Variants in EEA1 observed in about 807,000 individuals in gnomAD.
The protein encoded by EEA1 is early endosome antigen 1, 162kD.
In EEA1, 111 loss-of-function variants were observed where a neutral mutation model predicts 209.2. The observed-to-expected ratio is 0.53, with a 90% CI of 0.45 to 0.62. The LOEUF is 0.62. EEA1 is among the 20% of genes least tolerant of loss of function. The pLI is 0.00. For synonymous variants in EEA1, 536 were observed against 540.6 expected (o/e 0.99, Z 0.12); for missense variants, 1,343 against 1,530.8 (o/e 0.88, Z 2.05).
chr12:92,851,333 C>A, intron 8 of EEA1, 67 bp from the exon 9 acceptor site: 4 of 1,426,688 alleles, frequency 2.8e-6, no homozygotes, highest in Non-Finnish European at 3.8e-6. Context: ...TTTTTAGAAT[C>A]ATTTCACTAC....
At chr12:92,843,859 A>T in intron 9 of EEA1, among the ~76,000 whole-genome samples, 1 of 152,160 alleles carries the variant, frequency 6.6e-6, no homozygotes, top group East Asian at 1.9e-4. Context: ...TCTTCAAGGG[A>T]GAAATCTCAG....
At chr12:92,910,168 T>TTTA (rs1880525804) in intron 1 of EEA1, among the ~76,000 whole-genome samples, 1 of 142,994 alleles carries the variant, frequency 7.0e-6, no homozygotes, top group African/African-American at 2.7e-5. Flanking sequence ...AATTAAATTT[T>TTTA]AATTTTAAAA....
chr12:92,807,421 A>T (rs1440451268), intron 18 of EEA1, among the ~76,000 whole-genome samples: 1 of 152,180 alleles, frequency 6.6e-6, no homozygotes, highest in East Asian at 1.9e-4. Flanking sequence ...TTACATTCAC[A>T]ATGTTACTGG....
chr12:92,811,432 C>A lies in EEA1; in HGVS notation c.2046G>T (p.Glu682Asp). 1 of 1,552,972 alleles carries A rather than the reference C, an allele frequency of 6.4e-7. No homozygotes were observed. Among genetic ancestry groups the A allele is most frequent in the African/African-American group, 1.4e-5 (1 of 71,834 alleles). ...AQNALQDKQQ[E>D]LNKITTQLDQ... ...CCAACTGAGTAGTAATCTTATTTAACTCCTTTAGAAAAGTACAATTGAAGA... is the reference window on the plus strand; with the variant it reads ...CCAACTGAGTAGTAATCTTATTTAAATCCTTTAGAAAAGTACAATTGAAGA... Residue 682 changes from glutamate to aspartate, a missense_variant and splice_region_variant, in exon 17 of 29, where the codon GAG (glutamate) becomes GAT (aspartate). By Grantham distance (45) the Glu-to-Asp change is conservative (BLOSUM62 2). This residue lies in a region of EEA1 where 1,307 missense variants were observed against 1,465.5 expected (regional missense o/e 0.89). Coordinates refer to ENST00000322349, the MANE Select transcript of EEA1 (RefSeq NM_003566.4).
At chr12:92,823,448 C>T (rs758351767) in intron 13 of EEA1, among the ~76,000 whole-genome samples, 10 of 152,206 alleles carry the variant, frequency 6.6e-5, no homozygotes, top group Non-Finnish European at 1.2e-4. Context: ...CTCACTACCA[C>T]CATCTTTGCA....
intron 1 of EEA1, among the ~76,000 whole-genome samples, chr12:92,898,406 G>A (rs1473215810): frequency 6.6e-6 from 1 of 152,172 alleles, no homozygotes; most frequent in Non-Finnish European, 1.5e-5. Context: ...GCTCACGCCT[G>A]TAATCTCAGC....
rs547784020 is a variant in EEA1, at chr12:92,884,483, G to A, written c.117+7146C>T. ...CAGTGGGGATGGCTATAATGGATTT[G>A]GTAATGATGGAAGCAATTTTGGAGG... is the stretch of plus-strand genomic sequence containing the variant. On this transcript the variant is annotated intron_variant, in intron 2 of 28. Coordinates refer to ENST00000322349, the MANE Select transcript of EEA1 (RefSeq NM_003566.4). 24 of 1,485,794 alleles carry A rather than the reference G, an allele frequency of 1.6e-5. No individual in the cohort carries two copies. The African/African-American group carries it at 3.2e-4, about 20-fold the overall frequency. 92.0% of individuals were successfully genotyped at this position (1,485,794 alleles called of 1,614,324 possible). A position where few individuals can be genotyped will look rare whatever the true frequency, so the allele number is the denominator to read the frequency against.
intron 2 of EEA1, among the ~76,000 whole-genome samples, chr12:92,869,872 C>G (rs1878562502): frequency 6.7e-6 from 1 of 148,520 alleles, no homozygotes; most frequent in African/African-American, 2.5e-5. Context: ...AGTTGACCCA[C>G]AAGGTCCAGA....
rs1435469019 is a variant in EEA1 at position 92,773,361 on chromosome 12, T to A, written c.*2650A>T. 1 of 152,204 alleles carries A rather than the reference T, an allele frequency of 6.6e-6. No homozygotes were observed. The highest frequency in any genetic ancestry group is 1.5e-5 in the Non-Finnish European group (1 of 67,718). 9.4% of individuals were successfully genotyped at this position (152,204 alleles called of 1,614,324 possible). On this transcript the variant is annotated 3_prime_UTR_variant, in exon 29 of 29. Transcript: ENST00000322349. ...TGGCAGTTACTATTTAACATTACTGTCAGGAAACTATTAAAGTAGATAATT... is the reference window on the plus strand; with the variant it reads ...TGGCAGTTACTATTTAACATTACTGACAGGAAACTATTAAAGTAGATAATT...
At chr12:92,923,556 C>T (rs1282263106) in intron 1 of EEA1, among the ~76,000 whole-genome samples, 2 of 152,158 alleles carry the variant, frequency 1.3e-5, no homozygotes, top group African/African-American at 4.8e-5. Context: ...GCCTGAGTCA[C>T]TGCCATCCTC....
intron 2 of EEA1, among the ~76,000 whole-genome samples, chr12:92,867,451 C>T (rs947058552): frequency 5.3e-5 from 8 of 151,494 alleles, no homozygotes; most frequent in Admixed American, 1.3e-4. Flanking sequence ...CATGGCAGTG[C>T]AAAAATTGGC....
chr12:92,915,586 C>T (rs1880736250), intron 1 of EEA1, among the ~76,000 whole-genome samples: 1 of 152,206 alleles, frequency 6.6e-6, no homozygotes, highest in Non-Finnish European at 1.5e-5. Context: ...AGCTGGCTTG[C>T]CTGACAACGC....
chr12:92,894,139 C>T (rs1879770418), intron 1 of EEA1, among the ~76,000 whole-genome samples: 1 of 152,052 alleles, frequency 6.6e-6, no homozygotes, highest in Non-Finnish European at 1.5e-5. Flanking sequence ...GTTACTACTG[C>T]AATTGTTTTG....
At chr12:92,911,671 C>T (rs890166285) in intron 1 of EEA1, among the ~76,000 whole-genome samples, 1 of 152,200 alleles carries the variant, frequency 6.6e-6, no homozygotes, top group Non-Finnish European at 1.5e-5. Context: ...GTTCACGAAT[C>T]ATAACAAATG....
intron 17 of EEA1, 78 bp from the exon 18 acceptor site, chr12:92,809,234 G>A (rs1300422717): frequency 1.1e-5 from 12 of 1,142,450 alleles, no homozygotes; most frequent in Non-Finnish European, 1.4e-5. Flanking sequence ...TAACATTTTT[G>A]TTTATATTCA....
chr12:92,882,235 G>A (rs59261889), intron 2 of EEA1, among the ~76,000 whole-genome samples: 17 of 152,048 alleles, frequency 1.1e-4, no homozygotes, highest in African/African-American at 4.1e-4. Flanking sequence ...AGCCTCCTGA[G>A]TAGCTGGGAT....
intron 22 of EEA1, 49 bp downstream of exon 22, chr12:92,787,813 ATAAAT>A: frequency 7.6e-7 from 1 of 1,315,038 alleles, no homozygotes; most frequent in Non-Finnish European, 9.9e-7. Context: ...AGATCATTTA[ATAAAT>A]GTCTATAAAA....
intron 14 of EEA1, among the ~76,000 whole-genome samples, chr12:92,817,359 AT>A (rs199773571): frequency 6.1e-5 from 9 of 147,918 alleles, no homozygotes; most frequent in African/African-American, 7.4e-5. Context: ...AATTATTTTT[AT>A]TTTTTTTTTA....
At chr12:92,883,318 C>CA (rs1229367471) in intron 2 of EEA1, among the ~76,000 whole-genome samples, 2 of 152,158 alleles carry the variant, frequency 1.3e-5, no homozygotes, top group Non-Finnish European at 2.9e-5. Flanking sequence ...TTGATATCTG[C>CA]AAACTTGGCT....
Sources: gnomAD v4.1 joint callset for allele counts (sites outside exome capture counted in the v4.1 genomes callset) on GRCh38, gnomAD v4.1.1 for gene constraint, gnomAD v4.1.1 regional missense constraint, MANE v1.5 for transcripts, NCBI Gene and HGNC (gene_info 2026-07-23, HGNC 2026-07-21) for gene names.